Variants in KIF17 observed in about 807,000 individuals in gnomAD.
KIF17 encodes kinesin family member 17, also known as kinesin-like protein KIF17.
Under a neutral mutation model 96.8 loss-of-function variants are expected in KIF17, and 80 were observed. That is an observed-to-expected ratio of 0.83 (90% CI 0.69 to 1.00). The LOEUF (loss-of-function observed/expected upper bound fraction) is 1.00, where lower values mean the gene tolerates loss of function less well. Among genes scored for constraint, KIF17 ranks in the 50% least tolerant of loss-of-function variants. KIF17 has a pLI of 0.00. For synonymous variants in KIF17, 567 were observed against 587.5 expected, an observed-to-expected ratio of 0.97 and a Z score of 0.51; for missense variants, 1,280 against 1,372.9, an observed-to-expected ratio of 0.93 and a Z score of 1.07.
chr1:20,662,581 C>T (rs1343384157), downstream of KIF17, among the ~76,000 whole-genome samples: 2 of 152,162 alleles, frequency 1.3e-5, no homozygotes, highest in Admixed American at 6.5e-5. Flanking sequence ...CTTCCACCCT[C>T]GACACACAGT....
chr1:20,686,484 GACACACACACACAAAATACAC>G (rs1326589904), intron 8 of KIF17: 6 of 318,522 alleles, frequency 1.9e-5, no homozygotes, highest in Non-Finnish European at 3.3e-5. Flanking sequence ...CACACACACA[GACACACACACACAAAATACAC>G]ACACACACAC....
chr1:20,680,790 A>G (rs1489424865), intron 11 of KIF17, among the ~76,000 whole-genome samples: 1 of 152,084 alleles, frequency 6.6e-6, no homozygotes, highest in Admixed American at 6.5e-5. Context: ...AATGAATTCA[A>G]CTGGAAATAT....
chr1:20,668,263 T>C (rs1317689220), intron 13 of KIF17, among the ~76,000 whole-genome samples: 3 of 151,866 alleles, frequency 2.0e-5, no homozygotes, highest in Non-Finnish European at 2.9e-5. Context: ...TGAGCCGAGA[T>C]TGCACCACTG....
At chr1:20,670,575 G>A in intron 12 of KIF17, 87 bp from the exon 13 acceptor site, 2 of 1,297,952 alleles carry the variant, frequency 1.5e-6, no homozygotes, top group Non-Finnish European at 2.2e-6. Context: ...GTCAGGCCTG[G>A]CTCAGGCTTA....
chr1:20,709,314 G>C lies in KIF17; in HGVS notation c.670+325C>G, dbSNP rs2054395580. ...GAGGCTCGCCCGAGCCTGGGAGGCA[G>C]AGGTTGCAGTGAGCCGAGATCACCA... is the stretch of plus-strand genomic sequence containing the variant. On this transcript the variant is annotated intron_variant, in intron 4 of 14. Transcript: ENST00000400463. The surrounding 1 kb of genome is among the most constrained non-coding windows in gnomAD (Gnocchi z 4.7). 6.6e-6 allele frequency among the ~76,000 whole-genome samples: 1 copy of C among 150,478 alleles called. No individual in the cohort carries two copies. Among genetic ancestry groups the C allele is most frequent in the African/African-American group, 2.5e-5 (1 of 40,784 alleles).
chr1:20,714,486 T>C (rs2054542185), intron 2 of KIF17, among the ~76,000 whole-genome samples: 1 of 150,352 alleles, frequency 6.7e-6, no homozygotes, highest in Non-Finnish European at 1.5e-5. Context: ...CAAGACTCCG[T>C]CTCAAAAACA....
chr1:20,665,248 G>GA (rs2053506482), intron 14 of KIF17, among the ~76,000 whole-genome samples: 1 of 49,346 alleles, frequency 2.0e-5, no homozygotes, highest in Non-Finnish European at 3.9e-5. Flanking sequence ...TTTTTTTTTA[G>GA]AAAAAGTCTT....
downstream of KIF17, among the ~76,000 whole-genome samples, chr1:20,663,002 C>A (rs865948809): frequency 3.3e-5 from 5 of 152,266 alleles, no homozygotes; most frequent in Middle Eastern, 3.4e-3. Flanking sequence ...CCGAGGTGGG[C>A]AGATCACTTG....
intron 13 of KIF17, among the ~76,000 whole-genome samples, chr1:20,666,666 CA>C (rs2053534852): frequency 6.6e-6 from 1 of 152,222 alleles, no homozygotes; most frequent in Admixed American, 6.5e-5. Context: ...GGTTGATACA[CA>C]AGCCCCAAAT....
downstream of KIF17, among the ~76,000 whole-genome samples, chr1:20,663,161 C>G (rs2053466740): frequency 1.3e-5 from 2 of 152,140 alleles, no homozygotes; most frequent in Admixed American, 6.5e-5. Context: ...GAGGTGGAGG[C>G]TTCAGTGAGC....
At chr1:20,663,234 TA>T (rs1442061179), downstream of KIF17, among the ~76,000 whole-genome samples, 2 of 151,974 alleles carry the variant, frequency 1.3e-5, no homozygotes, top group Non-Finnish European at 2.9e-5. Context: ...TCAAAGAAAA[TA>T]AAAATAATTT....
At chr1:20,665,846 G>T (rs1372103194) in intron 14 of KIF17, among the ~76,000 whole-genome samples, 1 of 152,224 alleles carries the variant, frequency 6.6e-6, no homozygotes, top group Non-Finnish European at 1.5e-5. Flanking sequence ...TCTGCATTTG[G>T]AGGAAGTCAC....
At chr1:20,697,677 T>A (rs2054165695) in intron 6 of KIF17, among the ~76,000 whole-genome samples, 1 of 152,218 alleles carries the variant, frequency 6.6e-6, no homozygotes. Flanking sequence ...TGCTCAGGTC[T>A]CAGGATGCAG....
intron 6 of KIF17, among the ~76,000 whole-genome samples, chr1:20,694,198 AGC>A (rs2154536496): frequency 6.6e-6 from 1 of 151,974 alleles, no homozygotes; most frequent in East Asian, 1.9e-4. Flanking sequence ...CCCAGGTTCA[AGC>A]GATTCTCCTG....
chr1:20,700,975 T>G lies in KIF17; in HGVS notation c.1124-2487A>C, dbSNP rs1570468627. On this transcript the variant is annotated intron_variant, in intron 5 of 14. Transcript: ENST00000400463. This position sits in a 1 kb window ranked among gnomAD's most constrained non-coding sequence, Gnocchi z 4.6. ...TGTGTGTTTCCCACAGGAAGCCCAGTAAAGGCTGTGGCCCGGGCCCCCACT... is the reference window on the plus strand; with the variant it reads ...TGTGTGTTTCCCACAGGAAGCCCAGGAAAGGCTGTGGCCCGGGCCCCCACT... Among the ~76,000 whole-genome samples, 2 of 152,160 alleles carry G rather than the reference T, an allele frequency of 1.3e-5. No individual in the cohort carries two copies. Among genetic ancestry groups the G allele is most frequent in the African/African-American group, 4.8e-5 (2 of 41,446 alleles).
chr1:20,703,697 G>A (rs1385536929), intron 5 of KIF17, among the ~76,000 whole-genome samples: 2 of 151,984 alleles, frequency 1.3e-5, no homozygotes, highest in Non-Finnish European at 2.9e-5. Flanking sequence ...GGTGTGTGTA[G>A]AATGAATAGA....
In KIF17 at chr1:20,712,606, A is replaced by ATATATATC. The variant is rs2054465439; in HGVS notation, c.480+847_480+848insGATATATA. Among the ~76,000 whole-genome samples the ATATATATC allele has an allele frequency of 2.6e-4, 3 of 11,518 alleles. 1 individual carries two copies. Among genetic ancestry groups the ATATATATC allele is most frequent in the South Asian group, 3.1e-3 (1 of 318 alleles). 7.6% of individuals were successfully genotyped at this position (11,518 alleles called of 152,430 possible). ...TCTATATATATATCTATATATATCT[A>ATATATATC]TATATATATAATATAGATAATATCT... On this transcript the variant is annotated intron_variant, in intron 3 of 14. Coordinates refer to ENST00000400463, the MANE Select transcript of KIF17 (RefSeq NM_001122819.3).
chr1:20,709,502 C>G lies in KIF17; in HGVS notation c.670+137G>C. On this transcript the variant is annotated intron_variant, in intron 4 of 14. Transcript: ENST00000400463. The surrounding 1 kb of genome is among the most constrained non-coding windows in gnomAD (Gnocchi z 4.7). The stretch of plus-strand genomic sequence containing the variant: ...CGGGTCCCAGCATCCCAAGGGTCCT[C>G]TTGGGTTTCCTCCAGGCTGTTAGAG... The G allele has an allele frequency of 1.1e-6, 1 of 926,818 alleles. No homozygotes were observed. Among genetic ancestry groups the G allele is most frequent in the Admixed American group, 2.0e-5 (1 of 51,044 alleles). The allele number at this position is 926,818 out of a possible 1,614,324, so 57.4% of individuals were successfully genotyped here.
intron 11 of KIF17, among the ~76,000 whole-genome samples, chr1:20,681,671 G>A (rs1250498983): frequency 4.6e-5 from 7 of 152,060 alleles, no homozygotes; most frequent in Non-Finnish European, 8.8e-5. Context: ...GCAGAATCAC[G>A]CTCTCCCTGA....
Sources: allele counts gnomAD v4.1 joint callset (sites outside exome capture counted in the v4.1 genomes callset), GRCh38; gene constraint gnomAD v4.1.1; non-coding constraint Gnocchi (gnomAD v3.1); transcripts MANE v1.5; gene names NCBI Gene and HGNC (gene_info 2026-07-23, HGNC 2026-07-21).